Variants in THSD7B observed in about 807,000 individuals in gnomAD.
The protein encoded by THSD7B is thrombospondin type 1 domain containing 7B.
THSD7B carries 138 observed loss-of-function variants against 213.6 expected under a neutral mutation model. That is an observed-to-expected ratio of 0.65 (90% CI 0.56 to 0.74). THSD7B has a LOEUF of 0.74. Ranked by LOEUF, THSD7B falls within the 30% of genes least tolerant of loss-of-function variation. The probability of loss-of-function intolerance (pLI) is 0.00; values close to 1 mark genes in which losing one functional copy is unlikely to be tolerated. For synonymous variants in THSD7B, 742 were observed against 687.0 expected (o/e 1.08, Z -1.25); for missense variants, 1,931 against 1,991.5 (o/e 0.97, Z 0.58).
intron 14 of THSD7B, among the ~76,000 whole-genome samples, chr2:137,413,437 A>G (rs1686717268): frequency 6.6e-6 from 1 of 152,248 alleles, no homozygotes; most frequent in Non-Finnish European, 1.5e-5. Context: ...ACAAATACAT[A>G]AAAAGAATTT....
At chr2:137,196,121 TTCA>T (rs1366912231) in intron 7 of THSD7B, among the ~76,000 whole-genome samples, 2 of 152,290 alleles carry the variant, frequency 1.3e-5, no homozygotes, top group Admixed American at 1.3e-4. Context: ...GAGCAGTGCC[TTCA>T]TCACAGAACA....
At chr2:137,573,221 C>T (rs955273930) in intron 17 of THSD7B, among the ~76,000 whole-genome samples, 3 of 151,846 alleles carry the variant, frequency 2.0e-5, no homozygotes, top group Non-Finnish European at 2.9e-5. Context: ...TATACTCATA[C>T]TTCAAAGTAA....
At chr2:137,573,760 G>T (rs1303952340) in intron 17 of THSD7B, among the ~76,000 whole-genome samples, 4 of 152,060 alleles carry the variant, frequency 2.6e-5, no homozygotes, top group African/African-American at 9.7e-5. Flanking sequence ...CTGATGTGTA[G>T]AAAGGTTAAG....
intron 12 of THSD7B, among the ~76,000 whole-genome samples, chr2:137,311,214 C>G (rs1683897917): frequency 6.6e-6 from 1 of 151,232 alleles, no homozygotes; most frequent in Non-Finnish European, 1.5e-5. Context: ...TTGAAGAGGT[C>G]CTTCACATCC....
intron 15 of THSD7B, among the ~76,000 whole-genome samples, chr2:137,529,449 T>C (rs1680354922): frequency 6.6e-6 from 1 of 151,884 alleles, no homozygotes; most frequent in Non-Finnish European, 1.5e-5. Flanking sequence ...ATAAAGGCTT[T>C]AGTGCATAGG....
At chr2:137,319,191 A>G (rs1370071043) in intron 12 of THSD7B, among the ~76,000 whole-genome samples, 6 of 151,580 alleles carry the variant, frequency 4.0e-5, no homozygotes, top group African/African-American at 1.2e-4. Context: ...AAAAAAAGGG[A>G]GTTAAGATGA....
chr2:137,572,371 A>G (rs1402272404), intron 16 of THSD7B, 35 bp from the exon 17 acceptor site: 1 of 1,611,548 alleles, frequency 6.2e-7, no homozygotes, highest in Non-Finnish European at 8.5e-7. Flanking sequence ...CCACTGTTTT[A>G]AATAATCAAA....
chr2:137,124,197 G>T (rs1688594609), intron 5 of THSD7B, among the ~76,000 whole-genome samples: 2 of 152,096 alleles, frequency 1.3e-5, no homozygotes, highest in Admixed American at 6.6e-5. Flanking sequence ...TCTTCATTTT[G>T]TCAGCTGAAC....
chr2:137,342,391 AG>A (rs892635514), intron 12 of THSD7B, among the ~76,000 whole-genome samples: 9 of 25,610 alleles, frequency 3.5e-4, no homozygotes, highest in Non-Finnish European at 2.2e-3. Flanking sequence ...TAGTTCTAAC[AG>A]GGGTTTTTTT....
At chr2:137,654,900 A>G (rs556959669) in intron 21 of THSD7B, among the ~76,000 whole-genome samples, 1 of 152,330 alleles carries the variant, frequency 6.6e-6, no homozygotes, top group Admixed American at 6.5e-5. Flanking sequence ...GAGCCATCCA[A>G]TTCTAAGCTT....
chr2:137,024,785 C>A (rs1686514779), intron 2 of THSD7B, among the ~76,000 whole-genome samples: 2 of 152,124 alleles, frequency 1.3e-5, no homozygotes, highest in South Asian at 4.1e-4. Context: ...CCTCTCTCTA[C>A]TCAGCATTTC....
intron 5 of THSD7B, among the ~76,000 whole-genome samples, chr2:137,120,577 A>G (rs1479988389): frequency 1.3e-5 from 2 of 152,094 alleles, no homozygotes; most frequent in Admixed American, 6.6e-5. Context: ...TCAAACTCTT[A>G]GGGATCTTTT....
chr2:137,408,322 C>T (rs1686575135), intron 13 of THSD7B, among the ~76,000 whole-genome samples: 1 of 151,640 alleles, frequency 6.6e-6, no homozygotes, highest in African/African-American at 2.4e-5. Context: ...TCTCCTTCCC[C>T]CTTCTCCTTT....
At chr2:137,438,169 A>C (rs1039200967) in intron 14 of THSD7B, among the ~76,000 whole-genome samples, 1 of 152,164 alleles carries the variant, frequency 6.6e-6, no homozygotes, top group African/African-American at 2.4e-5. Flanking sequence ...AGAAAATTGA[A>C]GATTGGAGAG....
intron 10 of THSD7B, among the ~76,000 whole-genome samples, chr2:137,256,541 T>C (rs1397811164): frequency 6.6e-6 from 1 of 152,196 alleles, no homozygotes; most frequent in Non-Finnish European, 1.5e-5. Flanking sequence ...CTAATGATGC[T>C]TGGGATACAC....
In THSD7B at chr2:137,272,705, A is replaced by C. The variant is rs755841891; in HGVS notation, c.2396+43A>C. On this transcript the variant is annotated intron_variant, in intron 11 of 27. Coordinates refer to ENST00000409968, the MANE Select transcript of THSD7B (RefSeq NM_001316349.2). ...AAAATTATCGTTAGACCTACTGTAA[A>C]TTATAACCTATTTTCTTTCACATAA... is the stretch of plus-strand genomic sequence containing the variant. The C allele has an allele frequency of 5.0e-5, 79 of 1,582,492 alleles. No individual in the cohort carries two copies. The Admixed American group carries it at 1.1e-3, about 23-fold the overall frequency.
intron 1 of THSD7B, among the ~76,000 whole-genome samples, chr2:136,837,200 G>A (rs1438698013): frequency 6.6e-6 from 1 of 152,092 alleles, no homozygotes. Flanking sequence ...TCTTCCAAGG[G>A]CTTTTCTTCC....
intron 12 of THSD7B, among the ~76,000 whole-genome samples, chr2:137,398,871 C>T (rs1686275510): frequency 6.6e-6 from 1 of 152,170 alleles, no homozygotes; most frequent in Admixed American, 6.5e-5. Flanking sequence ...TCTTGGTGCA[C>T]CGTTTTTTAA....
chr2:137,399,161 G>A (rs1348047809), intron 12 of THSD7B, among the ~76,000 whole-genome samples: 1 of 150,534 alleles, frequency 6.6e-6, no homozygotes, highest in African/African-American at 2.4e-5. Flanking sequence ...GACTGGAGCT[G>A]TTCCTATTCG....
Sources: allele counts gnomAD v4.1 joint callset (sites outside exome capture counted in the v4.1 genomes callset), GRCh38; gene constraint gnomAD v4.1.1; transcripts MANE v1.5; gene names NCBI Gene and HGNC (gene_info 2026-07-23, HGNC 2026-07-21).